MYO5C: variants seen among roughly 807,000 people sequenced by gnomAD.
MYO5C encodes the protein unconventional myosin-Vc.
MYO5C carries 194 observed loss-of-function variants against 235.7 expected under a neutral mutation model. The observed-to-expected ratio is 0.82, with a 90% CI of 0.73 to 0.93. The LOEUF is 0.93. MYO5C is among the 40% of genes least tolerant of loss of function. The probability of loss-of-function intolerance (pLI) is 0.00; values close to 1 mark genes in which losing one functional copy is unlikely to be tolerated. For missense variants in MYO5C, 2,038 were observed against 2,127.2 expected (o/e 0.96, Z 0.82); for synonymous variants, 707 against 754.8 (o/e 0.94, Z 1.04).
In MYO5C at chr15:52,213,280, T is replaced by C; in HGVS notation, c.4049A>G (p.Asp1350Gly). ...CTTGGGTCCTGAGGACGAGTGCACA[T>C]CATTGGCTGTAGACAGAGGCAAACA... ...TLSKTIGKAN[D>G]VHSSSGPKEY... Residue 1350 changes from aspartate (D) to glycine (G), a missense_variant, in exon 34 of 41, where the codon GAT (aspartate) becomes GGT (glycine). By Grantham distance (94) the Asp-to-Gly change is moderately conservative. Coordinates refer to ENST00000261839, the MANE Select transcript of MYO5C (RefSeq NM_018728.4). 2 of 1,613,202 alleles carry C rather than the reference T, an allele frequency of 1.2e-6. No individual in the cohort carries two copies. The highest frequency in any genetic ancestry group is 1.7e-6 in the Non-Finnish European group (2 of 1,179,212).
At chr15:52,205,682 A>T in intron 37 of MYO5C, 134 bp downstream of exon 37, 1 of 493,790 alleles carries the variant, frequency 2.0e-6, no homozygotes, top group Non-Finnish European at 3.4e-6. Flanking sequence ...TAAAAGGCAG[A>T]TATCTACATG....
intron 30 of MYO5C, among the ~76,000 whole-genome samples, chr15:52,220,542 G>A (rs1225004262): frequency 2.0e-5 from 3 of 152,002 alleles, no homozygotes; most frequent in Non-Finnish European, 4.4e-5. Flanking sequence ...TTTTGGGCTG[G>A]GTTCAGTAGC....
At chr15:52,230,711 T>C (rs2035929290) in intron 24 of MYO5C, among the ~76,000 whole-genome samples, 1 of 150,476 alleles carries the variant, frequency 6.6e-6, no homozygotes, top group South Asian at 2.1e-4. Flanking sequence ...ACATAACCTC[T>C]TTTTTCTACA....
At chr15:52,276,802 T>G (rs1004563070) in intron 4 of MYO5C, among the ~76,000 whole-genome samples, 1 of 152,184 alleles carries the variant, frequency 6.6e-6, no homozygotes, top group Non-Finnish European at 1.5e-5. Context: ...ATTTAGAGAT[T>G]TTTTAAAAAT....
rs1441368656 is a variant in MYO5C, at chr15:52,196,443, T to G, written c.4861A>C (p.Asn1621His). The G allele has an allele frequency of 8.7e-6, 14 of 1,614,130 alleles. No homozygotes were observed. The highest frequency in any genetic ancestry group is 9.3e-6 in the Non-Finnish European group (11 of 1,179,998). ...TCCTTTGCTAAGCTGTTCTGCAAGTTCTTATCTTTAAGCCATTCTTCTAAG... is the reference window on the plus strand; with the variant it reads ...TCCTTTGCTAAGCTGTTCTGCAAGTGCTTATCTTTAAGCCATTCTTCTAAG... ...SYLEEWLKDK[N>H]LQNSLAKETL... Residue 1621 changes from asparagine to histidine, a missense_variant, in exon 39 of 41, where the codon AAC (asparagine) becomes CAC (histidine). Physicochemically the swap from Asn to His is moderately conservative, Grantham distance 68. Coordinates refer to ENST00000261839, the MANE Select transcript of MYO5C (RefSeq NM_018728.4).
At chr15:52,200,782 G>A (rs2035169827) in intron 38 of MYO5C, among the ~76,000 whole-genome samples, 1 of 151,964 alleles carries the variant, frequency 6.6e-6, no homozygotes, top group South Asian at 2.1e-4. Flanking sequence ...GCTCTAAAAA[G>A]TAAAGCCAAA....
chr15:52,215,425 G>A (rs2035530474), intron 32 of MYO5C, among the ~76,000 whole-genome samples: 1 of 152,210 alleles, frequency 6.6e-6, no homozygotes, highest in Non-Finnish European at 1.5e-5. Context: ...GACACATATA[G>A]AATTCAGGCT....
rs2035490215 is a variant in MYO5C at position 52,213,297 on chromosome 15, A to G, written c.4043-11T>C. ...AGTGCACATCATTGGCTGTAGACAG[A>G]GGCAAACAATCAGCTAAATACACAA... is the stretch of plus-strand genomic sequence containing the variant. On this transcript the variant is annotated splice_polypyrimidine_tract_variant and intron_variant, in intron 33 of 40. Transcript: ENST00000261839. 1.2e-6 allele frequency: 2 copies of G among 1,600,036 alleles called. No homozygotes were observed. Among genetic ancestry groups the G allele is most frequent in the Non-Finnish European group, 8.6e-7 (1 of 1,167,338 alleles).
chr15:52,235,305 G>A (rs8030407), intron 23 of MYO5C, among the ~76,000 whole-genome samples: 148,185 of 152,308 alleles, frequency 0.97, 72,218 homozygotes, highest in East Asian at 1. Flanking sequence ...CTAAAATTAC[G>A]GATGTCTGAA....
At chr15:52,249,054 TC>T (rs1301330371) in intron 13 of MYO5C, among the ~76,000 whole-genome samples, 3 of 152,210 alleles carry the variant, frequency 2.0e-5, no homozygotes, top group Non-Finnish European at 4.4e-5. Flanking sequence ...GTCCAGTTGC[TC>T]CCTGCGGTAT....
At chr15:52,260,175 G>A (rs992737439) in intron 10 of MYO5C, among the ~76,000 whole-genome samples, 10 of 152,232 alleles carry the variant, frequency 6.6e-5, no homozygotes, top group African/African-American at 2.2e-4. Context: ...CCGGGGTTTA[G>A]AAAAGGAGGA....
chr15:52,230,337 T>C (rs188389517), intron 24 of MYO5C, among the ~76,000 whole-genome samples: 1 of 152,300 alleles, frequency 6.6e-6, no homozygotes, highest in African/African-American at 2.4e-5. Flanking sequence ...CTTGCTTTTA[T>C]AGCACAAAGG....
chr15:52,275,687 C>T lies in MYO5C; in HGVS notation c.481G>A (p.Gly161Arg). ...NNRNQSIIVS[G>R]ESGAGKTVSA... ...ACTGTCTTTCCAGCACCTGACTCCC[C>T]ACTTACAATTATGGACTGGTTTCTG... The change falls in exon 5 of 41, where the codon GGG becomes AGG. Residue 161 changes from glycine to arginine, a missense_variant. Coordinates refer to ENST00000261839, the MANE Select transcript of MYO5C (RefSeq NM_018728.4). 6.2e-7 allele frequency: 1 copy of T among 1,614,218 alleles called. No homozygotes were observed. Among genetic ancestry groups the T allele is most frequent in the Non-Finnish European group, 8.5e-7 (1 of 1,180,038 alleles).
chr15:52,284,677 A>G (rs1451991745), intron 1 of MYO5C, among the ~76,000 whole-genome samples: 1 of 152,220 alleles, frequency 6.6e-6, no homozygotes, highest in Non-Finnish European at 1.5e-5. Flanking sequence ...GTATTGATAT[A>G]TGGCTTACTC....
chr15:52,225,658 A>C, intron 25 of MYO5C, 126 bp from the exon 26 acceptor site: 1 of 690,808 alleles, frequency 1.4e-6, no homozygotes, highest in South Asian at 1.6e-5. Flanking sequence ...TTTCTTTCTT[A>C]GCTAAAATCT....
At chr15:52,259,451 T>C (rs191014234) in intron 10 of MYO5C, among the ~76,000 whole-genome samples, 2 of 146,768 alleles carry the variant, frequency 1.4e-5, no homozygotes, top group East Asian at 4.0e-4. Context: ...AAGAAAGAAA[T>C]AATATACTGT....
chr15:52,223,507 T>C, intron 29 of MYO5C, 37 bp downstream of exon 29: 2 of 1,589,810 alleles, frequency 1.3e-6, no homozygotes, highest in Non-Finnish European at 1.7e-6. Flanking sequence ...AACTCTAGTA[T>C]GATGGCCACG....
chr15:52,225,076 T>C lies in MYO5C; in HGVS notation c.3364A>G (p.Arg1122Gly). 1 of 1,614,108 alleles carries C rather than the reference T, an allele frequency of 6.2e-7. No homozygotes were observed. The highest frequency in any genetic ancestry group is 8.5e-7 in the Non-Finnish European group (1 of 1,179,986). The stretch of plus-strand genomic sequence containing the variant: ...GTTTGATAATGCAAAAATGATTACC[T>C]GCTTCTTACATCTTCAATGTCATAG... Reference protein sequence around the residue: ...ESYDIEDVRSRLSVEDLEHLN... With the variant: ...ESYDIEDVRSGLSVEDLEHLN... Residue 1122 changes from arginine to glycine, a missense_variant and splice_region_variant, in exon 27 of 41, where the codon AGG (arginine) becomes GGG (glycine). By Grantham distance (125) the Arg-to-Gly change is moderately radical (BLOSUM62 -2). Transcript: ENST00000261839.
chr15:52,233,873 A>G (rs1197804988), intron 23 of MYO5C, among the ~76,000 whole-genome samples: 3 of 152,152 alleles, frequency 2.0e-5, no homozygotes, highest in African/African-American at 7.2e-5. Flanking sequence ...CCCACCCCAG[A>G]AGGAGTCCTC....
Sources: allele counts gnomAD v4.1 joint callset (sites outside exome capture counted in the v4.1 genomes callset), GRCh38; gene constraint gnomAD v4.1.1; transcripts MANE v1.5; gene names NCBI Gene and HGNC (gene_info 2026-07-23, HGNC 2026-07-21).